The following TKFC variants were observed in gnomAD, a reference collection of about 807,000 sequenced individuals.
TKFC encodes the protein triokinase and FMN cyclase, also known as triokinase/FMN cyclase.
In TKFC, 46 loss-of-function variants were observed where a neutral mutation model predicts 61.0. That is an observed-to-expected ratio of 0.75 (90% confidence interval 0.60 to 0.96). The LOEUF is 0.96. Ranked by LOEUF, TKFC falls within the 50% of genes least tolerant of loss-of-function variation. TKFC has a pLI of 0.00. For missense variants in TKFC, 715 were observed against 777.5 expected (o/e 0.92, Z 0.96); for synonymous variants, 314 against 330.1 (o/e 0.95, Z 0.53).
At chr11:61,343,708 G>T (rs1856975019) in intron 11 of TKFC, 148 bp from the exon 12 acceptor site, 5 of 1,201,568 alleles carry the variant, frequency 4.2e-6, no homozygotes, top group Non-Finnish European at 5.8e-6. Flanking sequence ...TATACAGTAG[G>T]CACTCAGTCC....
intron 10 of TKFC, 128 bp from the exon 11 acceptor site, chr11:61,343,214 C>T: frequency 9.5e-6 from 8 of 842,050 alleles, no homozygotes; most frequent in Non-Finnish European, 1.5e-5. Flanking sequence ...GGGATGCCTG[C>T]CAGGAGGAAA....
At chr11:61,341,540 AAG>A in intron 6 of TKFC, 26 bp downstream of exon 6, 1 of 1,552,778 alleles carries the variant, frequency 6.4e-7, no homozygotes, top group South Asian at 1.2e-5. Flanking sequence ...GGAGCTGGGG[AAG>A]AGAGTGGGGA....
At chr11:61,349,913 T>G (rs1458180803), downstream of TKFC, 1 of 509,858 alleles carries the variant, frequency 2.0e-6, no homozygotes, top group Non-Finnish European at 3.6e-6. Flanking sequence ...TCCCTCATGT[T>G]TCACACCGTG....
In TKFC at chr11:61,345,500, G is replaced by A. The variant is rs267603064; in HGVS notation, c.1386G>A (p.Leu462=). ...GLFLTAAAQP[L]KAKTSLPAWS... is the part of the protein sequence containing the mutation. Reference sequence around the variant, plus strand: ...TCCTGACTGCGGCTGCACAGCCCCTGAAGGCCAAGACCAGCCTCCCAGCCT... The same window carrying A: ...TCCTGACTGCGGCTGCACAGCCCCTAAAGGCCAAGACCAGCCTCCCAGCCT... Residue 462 remains leucine, a synonymous_variant, in exon 15 of 18, where the codon CTG becomes CTA. Transcript: ENST00000394900. 6 of 1,613,378 alleles carry A rather than the reference G, an allele frequency of 3.7e-6. No homozygotes were observed. Among genetic ancestry groups the A allele is most frequent in the Non-Finnish European group, 5.1e-6 (6 of 1,180,026 alleles).
intron 10 of TKFC, 183 bp from the exon 11 acceptor site, chr11:61,343,159 G>A (rs941470953): frequency 3.8e-5 from 24 of 635,374 alleles, no homozygotes; most frequent in South Asian, 5.7e-5. Flanking sequence ...CTTCCCCGAC[G>A]TAGGGGACAC....
At position 61,345,444 on chromosome 11, in the gene TKFC, C is replaced by T. The variant is rs756411305; in HGVS notation, c.1348-18C>T. 70 of 1,610,864 alleles carry T rather than the reference C, an allele frequency of 4.3e-5. No homozygotes were observed. The highest frequency in any genetic ancestry group is 6.7e-5 in the African/African-American group (5 of 74,908). On this transcript the variant is annotated intron_variant, in intron 14 of 17. Coordinates refer to ENST00000394900, the MANE Select transcript of TKFC (RefSeq NM_015533.4). The stretch of plus-strand genomic sequence containing the variant: ...GTCCAGGCCAGCACCACATGCTCAG[C>T]GTTGTCATCTTCCCCAGCTCTATGG...
At chr11:61,342,016 GTCTTAGTATT>G in intron 7 of TKFC, 104 bp downstream of exon 7, 1 of 1,164,720 alleles carries the variant, frequency 8.6e-7, no homozygotes, top group Non-Finnish European at 1.2e-6. Flanking sequence ...TCCCCAGGTG[GTCTTAGTATT>G]TTTACCTGGT....
At chr11:61,345,969 A>C (rs756048008) in intron 17 of TKFC, 23 bp downstream of exon 17, 1 of 1,608,434 alleles carries the variant, frequency 6.2e-7, no homozygotes, top group East Asian at 2.2e-5. Flanking sequence ...GGGCCCAGCC[A>C]CCTGGGGAGA....
Position 61,347,226 on chromosome 11 carries a change from C to T in TKFC, c.*723C>T. ...CAGAAGGAAAAGAAATCATCATAGT[C>T]TAAGGTTCAGTTGTAGATCAAAAAA... On this transcript the variant is annotated 3_prime_UTR_variant, in exon 18 of 18. Transcript: ENST00000394900. 1.0e-6 allele frequency: 1 copy of T among 985,422 alleles called. No homozygotes were observed. Among genetic ancestry groups the T allele is most frequent in the Non-Finnish European group, 1.2e-6 (1 of 829,936 alleles). The allele number at this position is 985,422 out of a possible 1,614,324, so 61.0% of individuals were successfully genotyped here.
At chr11:61,349,871 C>G, downstream of TKFC, 1 of 557,398 alleles carries the variant, frequency 1.8e-6, no homozygotes. Context: ...GAAATGCACA[C>G]CTTTATGGGG....
intron 11 of TKFC, 123 bp from the exon 12 acceptor site, chr11:61,343,733 G>A (rs948857409): frequency 1.4e-6 from 2 of 1,400,610 alleles, no homozygotes. Context: ...TTGTCGAGGT[G>A]GACTCCCTTC....
In TKFC at chr11:61,339,442, T is replaced by C. The variant is rs2135007040; in HGVS notation, c.486+7T>C. On this transcript the variant is annotated splice_region_variant and intron_variant, in intron 5 of 17. Transcript: ENST00000394900. ...CACGGTGCTTATACACAAGGTGGGC[T>C]TCCACCGGGGACGTGGAGACTGGCC... 6.2e-7 allele frequency: 1 copy of C among 1,600,986 alleles called. No homozygotes were observed. Among genetic ancestry groups the C allele is most frequent in the Non-Finnish European group, 8.5e-7 (1 of 1,172,770 alleles).
intron 2 of TKFC, 88 bp downstream of exon 2, chr11:61,334,819 G>T: frequency 6.3e-7 from 1 of 1,591,054 alleles, no homozygotes; most frequent in South Asian, 1.1e-5. Context: ...CTTACACTTT[G>T]ACTGAGAGAT....
At chr11:61,341,713 T>G in intron 6 of TKFC, 110 bp from the exon 7 acceptor site, 1 of 1,307,868 alleles carries the variant, frequency 7.6e-7, no homozygotes, top group East Asian at 2.3e-5. Context: ...GCAGCCTTTC[T>G]CAGAGAAGAG....
rs201876999 is a variant in TKFC at position 61,339,250 on chromosome 11, G to A, written c.305-4G>A. 1.5e-4 allele frequency: 236 copies of A among 1,612,044 alleles called. No individual in the cohort carries two copies. The highest frequency in any genetic ancestry group is 3.3e-4 in the Middle Eastern group (2 of 6,076). On this transcript the variant is annotated splice_polypyrimidine_tract_variant and splice_region_variant and intron_variant, in intron 4 of 17. Coordinates refer to ENST00000394900, the MANE Select transcript of TKFC (RefSeq NM_015533.4). Reference sequence around the variant, plus strand: ...ACACTGAGCCCTTCCGGCTGCTCCCGCAGTGGGGACGCTCCTTATCGTGAA... The same window carrying A: ...ACACTGAGCCCTTCCGGCTGCTCCCACAGTGGGGACGCTCCTTATCGTGAA...
At position 61,343,274 on chromosome 11, in the gene TKFC, C is replaced by G. The variant is rs1348639473; in HGVS notation, c.866-68C>G. On this transcript the variant is annotated intron_variant, in intron 10 of 17. Transcript: ENST00000394900. ...AGAGCCCCAGCTTCCAAGGTCCTTG[C>G]TTTTCTGTTGTTTTCTTTCCCTGAT... 5 of 1,474,772 alleles carry G rather than the reference C, an allele frequency of 3.4e-6. No homozygotes were observed. In the South Asian group the frequency reaches 3.5e-5, roughly 10 times the overall value. The allele number at this position is 1,474,772 out of a possible 1,614,324, so 91.4% of individuals were successfully genotyped here. A position where few individuals can be genotyped will look rare whatever the true frequency, so the allele number is the denominator to read the frequency against.
rs1857226590 is a variant in TKFC, at chr11:61,348,020, T to G, written c.*1517T>G. The G allele has an allele frequency of 1.0e-6, 1 of 985,412 alleles. No homozygotes were observed. Among genetic ancestry groups the G allele is most frequent in the South Asian group, 4.7e-5 (1 of 21,276 alleles). 61.0% of individuals were successfully genotyped at this position (985,412 alleles called of 1,614,324 possible). ...GTCACCTACTTGGCCCAAATTTGGCTGCAGGCTCCCCGAGTGCCTGGGCTT... is the reference window on the plus strand; with the variant it reads ...GTCACCTACTTGGCCCAAATTTGGCGGCAGGCTCCCCGAGTGCCTGGGCTT... On this transcript the variant is annotated 3_prime_UTR_variant, in exon 18 of 18. Coordinates refer to ENST00000394900, the MANE Select transcript of TKFC (RefSeq NM_015533.4).
At chr11:61,339,199 G>A in intron 4 of TKFC, 23 bp downstream of exon 4, 1 of 1,612,788 alleles carries the variant, frequency 6.2e-7, no homozygotes. Flanking sequence ...TGCAGGAGGG[G>A]CTGCGGCAGG....
In TKFC at chr11:61,342,461, G is replaced by T; in HGVS notation, c.656G>T (p.Gly219Val). 6.2e-7 allele frequency: 1 copy of T among 1,614,046 alleles called. No homozygotes were observed. The highest frequency in any genetic ancestry group is 8.5e-7 in the Non-Finnish European group (1 of 1,180,036). The change falls in exon 8 of 18, where the codon GGG becomes GTG. Residue 219 changes from glycine (G) to valine (V), a missense_variant and splice_region_variant. Physicochemically the swap from Gly to Val is moderately radical, Grantham distance 109. Coordinates refer to ENST00000394900, the MANE Select transcript of TKFC (RefSeq NM_015533.4). ...CAGCAGTGACCACATCTATCCGCAG[G>T]GATCCACGGGGAAGCTGGTGTGCGC... Reference protein sequence around the residue: ...LSADEVELGLGIHGEAGVRRI... With the variant: ...LSADEVELGLVIHGEAGVRRI...
Sources: allele counts gnomAD v4.1 joint callset, GRCh38; gene constraint gnomAD v4.1.1; transcripts MANE v1.5; gene names NCBI Gene and HGNC (gene_info 2026-07-23, HGNC 2026-07-21).